VAT1L: variants seen among roughly 807,000 people sequenced by gnomAD.
The protein encoded by VAT1L is vesicle amine transport 1 like, also known as putative NADPH-dependent quinone oxidoreductase VAT1L.
VAT1L carries 34 observed loss-of-function variants against 44.1 expected under a neutral mutation model. The observed-to-expected ratio is 0.77, with a 90% CI of 0.59 to 1.03. The LOEUF (loss-of-function observed/expected upper bound fraction) is 1.03, where lower values mean the gene tolerates loss of function less well. VAT1L is among the 50% of genes least tolerant of loss of function. VAT1L has a pLI of 0.00. For missense variants in VAT1L, 615 were observed against 538.8 expected (o/e 1.14, Z -1.40); for synonymous variants, 253 against 202.2 (o/e 1.25, Z -2.13).
chr16:77,909,947 T>G (rs955868848), intron 7 of VAT1L, among the ~76,000 whole-genome samples: 4 of 152,178 alleles, frequency 2.6e-5, no homozygotes, highest in Non-Finnish European at 5.9e-5. Context: ...CACAGGCCTA[T>G]AGAAGAATTC....
intron 3 of VAT1L, among the ~76,000 whole-genome samples, chr16:77,848,054 C>G (rs1256934640): frequency 6.6e-6 from 1 of 152,110 alleles, no homozygotes; most frequent in African/African-American, 2.4e-5. Flanking sequence ...AAGAGAAGAT[C>G]CACGGTGCAG....
intron 7 of VAT1L, among the ~76,000 whole-genome samples, chr16:77,908,820 A>T (rs1025857348): frequency 5.3e-5 from 8 of 152,070 alleles, no homozygotes; most frequent in Non-Finnish European, 1.0e-4. Context: ...AGGCTGAGGC[A>T]GGAGCACGGC....
At chr16:77,866,331 T>C (rs965801068) in intron 4 of VAT1L, among the ~76,000 whole-genome samples, 4 of 152,136 alleles carry the variant, frequency 2.6e-5, no homozygotes, top group Non-Finnish European at 5.9e-5. Flanking sequence ...CACACCCACA[T>C]ACTTGAGTAT....
intron 7 of VAT1L, among the ~76,000 whole-genome samples, chr16:77,937,132 C>T (rs565725992): frequency 2.8e-4 from 42 of 152,276 alleles, no homozygotes; most frequent in African/African-American, 8.9e-4. Context: ...CTGCCCACCT[C>T]GGCCTCCCAA....
At chr16:77,838,825 CTCTT>C (rs1413913363) in intron 3 of VAT1L, among the ~76,000 whole-genome samples, 1 of 151,132 alleles carries the variant, frequency 6.6e-6, no homozygotes, top group African/African-American at 2.4e-5. Flanking sequence ...TTTTCCTTCT[CTCTT>C]TCTCTCCTTC....
chr16:77,868,223 C>A (rs1341716382), intron 4 of VAT1L, among the ~76,000 whole-genome samples: 1 of 152,138 alleles, frequency 6.6e-6, no homozygotes, highest in Non-Finnish European at 1.5e-5. Flanking sequence ...TAATGCTTAC[C>A]AAATACTGTA....
chr16:77,963,777 A>G (rs540892076), intron 7 of VAT1L, among the ~76,000 whole-genome samples: 2 of 152,174 alleles, frequency 1.3e-5, no homozygotes, highest in South Asian at 4.2e-4. Flanking sequence ...CATTTGGTAA[A>G]CAGGGGAATA....
intron 7 of VAT1L, among the ~76,000 whole-genome samples, chr16:77,952,325 C>T (rs1432333732): frequency 6.6e-6 from 1 of 151,900 alleles, no homozygotes; most frequent in Non-Finnish European, 1.5e-5. Flanking sequence ...AAATGTAATC[C>T]CCAACGTTGG....
intron 4 of VAT1L, among the ~76,000 whole-genome samples, chr16:77,864,916 T>G (rs1196556811): frequency 6.6e-6 from 1 of 152,006 alleles, no homozygotes; most frequent in Non-Finnish European, 1.5e-5. Context: ...AGGCTAATTT[T>G]GAGGACATCC....
intron 6 of VAT1L, among the ~76,000 whole-genome samples, chr16:77,880,783 G>A (rs1311885712): frequency 6.6e-6 from 1 of 151,650 alleles, no homozygotes; most frequent in African/African-American, 2.4e-5. Context: ...GTGGTCTGCA[G>A]TGTTAACTGT....
chr16:77,928,818 G>A (rs1012670567), intron 7 of VAT1L, among the ~76,000 whole-genome samples: 15 of 151,506 alleles, frequency 9.9e-5, no homozygotes, highest in South Asian at 2.1e-4. Flanking sequence ...CTCTATTTTC[G>A]TTTGTTTGTT....
At position 77,825,401 on chromosome 16, in the gene VAT1L, T is replaced by G; in HGVS notation, c.519T>G (p.Phe173Leu). 2 of 1,613,018 alleles carry G rather than the reference T, an allele frequency of 1.2e-6. No homozygotes were observed. The highest frequency in any genetic ancestry group is 2.2e-5 in the East Asian group (1 of 44,856). ...MNFVTAYVML[F>L]EVANLREGMS... Reference sequence around the variant, plus strand: ...TCGTCACAGCCTATGTGATGCTGTTTGAAGTTGCCAACCTCCGGGAAGGGA... The same window carrying G: ...TCGTCACAGCCTATGTGATGCTGTTGGAAGTTGCCAACCTCCGGGAAGGGA... Residue 173 changes from phenylalanine (F) to leucine (L), a missense_variant, in exon 3 of 9, where the codon TTT (phenylalanine) becomes TTG (leucine). Coordinates refer to ENST00000302536, the MANE Select transcript of VAT1L (RefSeq NM_020927.3).
intron 7 of VAT1L, among the ~76,000 whole-genome samples, chr16:77,961,299 C>T (rs886200072): frequency 6.6e-6 from 1 of 152,082 alleles, no homozygotes; most frequent in Non-Finnish European, 1.5e-5. Context: ...CTGCCCACTC[C>T]GCTTTGCTAA....
chr16:77,909,939 C>T (rs578179218), intron 7 of VAT1L, among the ~76,000 whole-genome samples: 4 of 152,326 alleles, frequency 2.6e-5, no homozygotes, highest in African/African-American at 9.6e-5. Context: ...GAGAACACCA[C>T]AGGCCTATAG....
intron 7 of VAT1L, among the ~76,000 whole-genome samples, chr16:77,934,409 T>A (rs529827536): frequency 2.6e-5 from 4 of 152,148 alleles, no homozygotes; most frequent in Non-Finnish European, 5.9e-5. Flanking sequence ...TTAAGAGCCT[T>A]GAGCTGGGGA....
intron 3 of VAT1L, among the ~76,000 whole-genome samples, chr16:77,848,465 A>G (rs1021336157): frequency 8.5e-5 from 13 of 152,168 alleles, no homozygotes; most frequent in Non-Finnish European, 1.8e-4. Flanking sequence ...TGCCTGGTCC[A>G]TGATCTTGCT....
intron 7 of VAT1L, among the ~76,000 whole-genome samples, chr16:77,939,511 G>T (rs1421178365): frequency 6.6e-6 from 1 of 152,130 alleles, no homozygotes; most frequent in African/African-American, 2.4e-5. Flanking sequence ...TCACATCAGT[G>T]GTAACAGTTA....
chr16:77,838,001 C>T (rs765166478), intron 3 of VAT1L, among the ~76,000 whole-genome samples: 4 of 152,172 alleles, frequency 2.6e-5, no homozygotes, highest in South Asian at 2.1e-4. Context: ...CAAAGAAAGC[C>T]GATCTCATCT....
rs1399404666 is a variant in VAT1L, at chr16:77,879,482, G to A, written c.882+258G>A. ...ATTTTTGTATTTGTAGTAGAGACGG[G>A]GTTTCACCGTGTTGGCCAGGATGGT... On this transcript the variant is annotated intron_variant, in intron 6 of 8. Coordinates refer to ENST00000302536, the MANE Select transcript of VAT1L (RefSeq NM_020927.3). This position sits in a 1 kb window ranked among gnomAD's most constrained non-coding sequence, Gnocchi z 4.1. 6.6e-6 allele frequency among the ~76,000 whole-genome samples: 1 copy of A among 152,100 alleles called. No homozygotes were observed. The highest frequency in any genetic ancestry group is 1.5e-5 in the Non-Finnish European group (1 of 68,022).
Sources: gnomAD v4.1 joint callset for allele counts (sites outside exome capture counted in the v4.1 genomes callset) on GRCh38, gnomAD v4.1.1 for gene constraint, Gnocchi (gnomAD v3.1) non-coding constraint, MANE v1.5 for transcripts, NCBI Gene and HGNC (gene_info 2026-07-23, HGNC 2026-07-21) for gene names.